Variants in ZKSCAN7 observed in about 807,000 individuals in gnomAD.
ZKSCAN7 encodes the protein zinc finger with KRAB and SCAN domains 7, also known as zinc finger protein with KRAB and SCAN domains 7.
Under a neutral mutation model 65.3 loss-of-function variants are expected in ZKSCAN7, and 38 were observed. The ratio of observed to expected loss-of-function variants is 0.58; its 90% CI spans 0.45 to 0.76. ZKSCAN7 has a LOEUF of 0.76. Ranked by LOEUF, ZKSCAN7 falls within the 30% of genes least tolerant of loss-of-function variation. The probability of loss-of-function intolerance (pLI) is 0.00; values close to 1 mark genes in which losing one functional copy is unlikely to be tolerated. For missense variants in ZKSCAN7, 815 were observed against 913.3 expected (o/e 0.89, Z 1.39); for synonymous variants, 321 against 321.0 (o/e 1.00, Z 0.00).
chr3:44,558,782 A>ATTTTTTTTTTTTTTTT (rs35709621), intron 2 of ZKSCAN7, among the ~76,000 whole-genome samples: 1 of 92,712 alleles, frequency 1.1e-5, no homozygotes, highest in Non-Finnish European at 2.0e-5. Context: ...TTTCTTCTTC[A>ATTTTTTTTTTTTTTTT]TTTTTTTTTT....
At chr3:44,556,353 T>A (rs967060972) in intron 1 of ZKSCAN7, among the ~76,000 whole-genome samples, 11 of 152,096 alleles carry the variant, frequency 7.2e-5, no homozygotes, top group African/African-American at 1.4e-4. Flanking sequence ...GACAGACAAG[T>A]TTGCCAAAAG....
intron 2 of ZKSCAN7, 46 bp from the exon 3 acceptor site, chr3:44,565,441 C>T (rs764747703): frequency 3.2e-6 from 5 of 1,538,784 alleles, no homozygotes; most frequent in African/African-American, 2.8e-5. Flanking sequence ...GGTTCAGTAC[C>T]TTCAAGGATG....
Position 44,557,274 on chromosome 3 carries a change from G to A in ZKSCAN7, c.227G>A (p.Arg76Gln), listed in dbSNP as rs146936837. The change falls in exon 2 of 6, where the codon CGG (arginine) becomes CAG (glutamine). Residue 76 changes from arginine (R) to glutamine (Q), a missense_variant. Physicochemically the swap from Arg to Gln is conservative, Grantham distance 43 (BLOSUM62 1). This residue lies in a region of ZKSCAN7 where 227 missense variants were observed against 253.3 expected (regional missense o/e 0.90). Transcript: ENST00000426540. ...SGPQEALSRL[R>Q]ELCRWWLMPE... ...CCGCAGGAAGCATTGAGCCGGCTTC[G>A]GGAGCTCTGCCGCTGGTGGCTCATG... 6 of 1,614,144 alleles carry A rather than the reference G, an allele frequency of 3.7e-6. No individual in the cohort carries two copies. Among genetic ancestry groups the A allele is most frequent in the Middle Eastern group, 3.3e-4 (2 of 6,084 alleles).
intron 5 of ZKSCAN7, chr3:44,580,258 T>C (rs1046814474): frequency 6.2e-7 from 1 of 1,613,766 alleles, no homozygotes; most frequent in Non-Finnish European, 8.5e-7. Context: ...CCCCGGACTT[T>C]GCGGCCACAG....
In ZKSCAN7 at chr3:44,570,304, T is replaced by C; in HGVS notation, c.1194T>C (p.Leu398=). The change falls in exon 6 of 6, where the codon CTT becomes CTC. Residue 398 remains leucine (L), a synonymous_variant. Coordinates refer to ENST00000426540, the MANE Select transcript of ZKSCAN7 (RefSeq NM_001288590.2). ...CGKAFNRSSH[L]IGHQRIHTGE... Reference sequence around the variant, plus strand: ...AAGCTTTCAATCGGAGTTCTCACCTTATTGGCCATCAGAGAATCCACACTG... The same window carrying C: ...AAGCTTTCAATCGGAGTTCTCACCTCATTGGCCATCAGAGAATCCACACTG... The C allele has an allele frequency of 6.2e-7, 1 of 1,614,204 alleles. No homozygotes were observed. Among genetic ancestry groups the C allele is most frequent in the Non-Finnish European group, 8.5e-7 (1 of 1,180,022 alleles).
At chr3:44,576,042 G>GAT (rs748681876), downstream of ZKSCAN7, among the ~76,000 whole-genome samples, 21 of 151,956 alleles carry the variant, frequency 1.4e-4, no homozygotes, top group Non-Finnish European at 2.4e-4. Context: ...GACGCATTCT[G>GAT]ATATATATAT....
At chr3:44,580,201 C>T in intron 5 of ZKSCAN7, 1 of 1,611,656 alleles carries the variant, frequency 6.2e-7, no homozygotes, top group South Asian at 1.1e-5. Context: ...TGTTCTTCGG[C>T]CTTCAAGTCG....
downstream of ZKSCAN7, among the ~76,000 whole-genome samples, chr3:44,575,249 T>C (rs1468191714): frequency 6.6e-6 from 1 of 152,222 alleles, no homozygotes; most frequent in Non-Finnish European, 1.5e-5. Context: ...TGAGCTATCA[T>C]TGCACCACTG....
intron 5 of ZKSCAN7, chr3:44,580,550 T>C: frequency 6.2e-7 from 1 of 1,613,862 alleles, no homozygotes; most frequent in Non-Finnish European, 8.5e-7. Context: ...CCACTTTCCA[T>C]TTCTTCTTCT....
downstream of ZKSCAN7, chr3:44,572,256 A>G: frequency 1.0e-6 from 1 of 981,242 alleles, no homozygotes; most frequent in Non-Finnish European, 1.2e-6. Flanking sequence ...TCATCATAGA[A>G]TATCACATAC....
chr3:44,571,672 C>T lies in ZKSCAN7; in HGVS notation c.*297C>T. On this transcript the variant is annotated 3_prime_UTR_variant, in exon 6 of 6. Transcript: ENST00000426540. ...AGTTATGCATCTCATAATCAGACTC[C>T]ATGCTTTTTAAAGACAGAGATAATA... is the stretch of plus-strand genomic sequence containing the variant. 8.2e-7 allele frequency: 1 copy of T among 1,217,296 alleles called. No individual in the cohort carries two copies. The highest frequency in any genetic ancestry group is 1.0e-6 in the Non-Finnish European group (1 of 972,704). 75.4% of individuals were successfully genotyped at this position (1,217,296 alleles called of 1,614,324 possible). A position where few individuals can be genotyped will look rare whatever the true frequency, so the allele number is the denominator to read the frequency against.
chr3:44,578,373 C>A, intron 5 of ZKSCAN7: 1 of 1,611,770 alleles, frequency 6.2e-7, no homozygotes, highest in Non-Finnish European at 8.5e-7. Flanking sequence ...GACCCAGTGG[C>A]CTCCCCACCG....
At chr3:44,580,580 G>C in intron 5 of ZKSCAN7, 1 of 1,613,860 alleles carries the variant, frequency 6.2e-7, no homozygotes. Flanking sequence ...TGTTGGTCCG[G>C]GGATAGACCA....
chr3:44,567,602 A>T (rs1202128554), intron 3 of ZKSCAN7, among the ~76,000 whole-genome samples: 1 of 152,166 alleles, frequency 6.6e-6, no homozygotes, highest in Admixed American at 6.5e-5. Flanking sequence ...CACAACTGTG[A>T]GGGGAAAATC....
chr3:44,571,666 A>T lies in ZKSCAN7; in HGVS notation c.*291A>T. 1 of 1,238,492 alleles carries T rather than the reference A, an allele frequency of 8.1e-7. No homozygotes were observed. Among genetic ancestry groups the T allele is most frequent in the Non-Finnish European group, 1.0e-6 (1 of 985,588 alleles). The allele number at this position is 1,238,492 out of a possible 1,614,324, so 76.7% of individuals were successfully genotyped here. On this transcript the variant is annotated 3_prime_UTR_variant, in exon 6 of 6. Transcript: ENST00000426540. ...TTTCTTAGTTATGCATCTCATAATC[A>T]GACTCCATGCTTTTTAAAGACAGAG...
intron 5 of ZKSCAN7, chr3:44,580,099 C>CA: frequency 6.2e-7 from 1 of 1,607,608 alleles, no homozygotes; most frequent in South Asian, 1.1e-5. Context: ...TCTGCCTTCT[C>CA]AATGTCCAAG....
intron 5 of ZKSCAN7, among the ~76,000 whole-genome samples, chr3:44,581,186 T>A (rs1007984114): frequency 6.8e-6 from 1 of 147,010 alleles, no homozygotes; most frequent in Admixed American, 6.8e-5. Flanking sequence ...CCGAGGCTCC[T>A]GAGCCGCCCG....
At position 44,557,452 on chromosome 3, in the gene ZKSCAN7, C is replaced by A. The variant is rs746747513; in HGVS notation, c.405C>A (p.His135Gln). ...AVAVVEDFQRHLSGSEEVSAP... is the reference protein window; with the variant it reads ...AVAVVEDFQRQLSGSEEVSAP... ...CTGTGGTGGAGGATTTCCAGAGACACCTCAGTGGATCAGAGGAGGTGAGCA... is the reference window on the plus strand; with the variant it reads ...CTGTGGTGGAGGATTTCCAGAGACAACTCAGTGGATCAGAGGAGGTGAGCA... The change falls in exon 2 of 6, where the codon CAC (histidine) becomes CAA (glutamine). Residue 135 changes from histidine to glutamine, a missense_variant. Coordinates refer to ENST00000426540, the MANE Select transcript of ZKSCAN7 (RefSeq NM_001288590.2). The A allele has an allele frequency of 4.3e-6, 7 of 1,614,162 alleles. No individual in the cohort carries two copies. The Admixed American group carries it at 1.2e-4, about 27-fold the overall frequency.
intron 5 of ZKSCAN7, chr3:44,579,902 G>A: frequency 6.2e-7 from 1 of 1,608,104 alleles, no homozygotes; most frequent in Non-Finnish European, 8.5e-7. Context: ...GGAGGGCTCT[G>A]TGGACCTCCT....
Sources: gnomAD v4.1 joint callset for allele counts (sites outside exome capture counted in the v4.1 genomes callset) on GRCh38, gnomAD v4.1.1 for gene constraint, gnomAD v4.1.1 regional missense constraint, MANE v1.5 for transcripts, NCBI Gene and HGNC (gene_info 2026-07-23, HGNC 2026-07-21) for gene names.